The following COL24A1 variants were observed in gnomAD, a reference collection of about 807,000 sequenced individuals.
The protein encoded by COL24A1 is collagen type XXIV alpha 1 chain, also known as collagen alpha-1(XXIV) chain.
A neutral mutation model predicts 253.9 loss-of-function variants in COL24A1; 224 were observed. The ratio of observed to expected loss-of-function variants is 0.88; its 90% CI spans 0.79 to 0.99. The LOEUF is 0.99. Ranked by LOEUF, COL24A1 falls within the 50% of genes least tolerant of loss-of-function variation. The pLI is 0.00. For synonymous variants in COL24A1, 685 were observed against 673.7 expected (o/e 1.02, Z -0.26); for missense variants, 2,131 against 2,068.5 (o/e 1.03, Z -0.59).
Position 85,784,060 on chromosome 1 carries a change from A to T in COL24A1, c.4221+53T>A. On this transcript the variant is annotated intron_variant, in intron 50 of 59. Transcript: ENST00000370571. ...AAGTTACAGACTATATTATTTCAAC[A>T]GCTCTTTTATTTCTAGATAGCTAGA... 2.9e-6 allele frequency: 4 copies of T among 1,373,410 alleles called. No individual in the cohort carries two copies. The South Asian group carries it at 5.1e-5, about 17-fold the overall frequency. 85.1% of individuals were successfully genotyped at this position (1,373,410 alleles called of 1,614,324 possible). A position where few individuals can be genotyped will look rare whatever the true frequency, so the allele number is the denominator to read the frequency against.
At chr1:85,936,950 C>T (rs1688296298) in intron 24 of COL24A1, among the ~76,000 whole-genome samples, 1 of 147,160 alleles carries the variant, frequency 6.8e-6, no homozygotes, top group Non-Finnish European at 1.5e-5. Flanking sequence ...AGCTGAGTTC[C>T]ATCAGATTCA....
chr1:85,775,721 A>G lies in COL24A1; in HGVS notation c.4339-12T>C, dbSNP rs1333602994. 3 of 1,600,826 alleles carry G rather than the reference A, an allele frequency of 1.9e-6. No individual in the cohort carries two copies. Among genetic ancestry groups the G allele is most frequent in the East Asian group, 4.5e-5 (2 of 44,732 alleles). ...TCACCTCTGGGTCCCTAAAAGAAAA[A>G]AAAAAGATGTTAGTTCATTGTTATT... is the stretch of plus-strand genomic sequence containing the variant. On this transcript the variant is annotated splice_polypyrimidine_tract_variant and intron_variant, in intron 52 of 59. Transcript: ENST00000370571.
chr1:85,830,524 G>A (rs1259877762), intron 43 of COL24A1, among the ~76,000 whole-genome samples: 1 of 152,136 alleles, frequency 6.6e-6, no homozygotes, highest in Non-Finnish European at 1.5e-5. Flanking sequence ...CCCCAGCCTG[G>A]CTGCCGCCTT....
chr1:85,784,821 C>T (rs1371186364), intron 48 of COL24A1, among the ~76,000 whole-genome samples: 1 of 152,008 alleles, frequency 6.6e-6, no homozygotes, highest in Non-Finnish European at 1.5e-5. Context: ...GCCTTAAACT[C>T]CTGGGCTCAA....
At position 86,055,675 on chromosome 1, in the gene COL24A1, C is replaced by T. The variant is rs117918527; in HGVS notation, c.1851+2256G>A. ...AATCTATATAGTAAATACATGCATACACTATGCCCTATACCTTAAGAATGC... is the reference window on the plus strand; with the variant it reads ...AATCTATATAGTAAATACATGCATATACTATGCCCTATACCTTAAGAATGC... On this transcript the variant is annotated intron_variant, in intron 10 of 59. Transcript: ENST00000370571. Among the ~76,000 whole-genome samples, 375 of 152,274 alleles carry T rather than the reference C, an allele frequency of 2.5e-3. 10 individuals are homozygous for T. In the East Asian group the frequency reaches 0.046, roughly 19 times the overall value.
At chr1:85,926,985 G>A (rs1226260812) in intron 24 of COL24A1, among the ~76,000 whole-genome samples, 1 of 152,194 alleles carries the variant, frequency 6.6e-6, no homozygotes, top group African/African-American at 2.4e-5. Context: ...CAATCACCAG[G>A]TTGATGGTAA....
At chr1:85,836,354 A>G (rs1342271746) in intron 43 of COL24A1, among the ~76,000 whole-genome samples, 4 of 152,226 alleles carry the variant, frequency 2.6e-5, no homozygotes, top group South Asian at 4.1e-4. Flanking sequence ...AATGTCACTG[A>G]ATTGTAAAGT....
In COL24A1 at chr1:85,970,274, T is replaced by C; in HGVS notation, c.2419-3A>G. ...GCTCCAATTGGTCCTTCTTCTCCCT[T>C]AAAAAAAAAAAAAGTCAGAACATAT... On this transcript the variant is annotated splice_region_variant and splice_polypyrimidine_tract_variant and intron_variant, in intron 21 of 59. Transcript: ENST00000370571. The C allele has an allele frequency of 2.2e-6, 3 of 1,349,788 alleles. No individual in the cohort carries two copies. Among genetic ancestry groups the C allele is most frequent in the Non-Finnish European group, 2.0e-6 (2 of 989,224 alleles). 83.6% of individuals were successfully genotyped at this position (1,349,788 alleles called of 1,614,324 possible). A position where few individuals can be genotyped will look rare whatever the true frequency, so the allele number is the denominator to read the frequency against.
chr1:86,032,143 G>C lies in COL24A1; in HGVS notation c.2005-221C>G, dbSNP rs74560322. Among the ~76,000 whole-genome samples the C allele has an allele frequency of 1.4e-4, 22 of 152,242 alleles. No homozygotes were observed. In the East Asian group the frequency reaches 4.2e-3, roughly 29 times the overall value. On this transcript the variant is annotated intron_variant, in intron 13 of 59. Coordinates refer to ENST00000370571, the MANE Select transcript of COL24A1 (RefSeq NM_152890.7). ...CAAGTGCCCTTGGCTAAATGCTTTT[G>C]GATGCCAGGACTACCACCTAGCTTA...
chr1:85,757,682 C>T (rs1310741503), intron 55 of COL24A1, among the ~76,000 whole-genome samples: 1 of 152,078 alleles, frequency 6.6e-6, no homozygotes, highest in Non-Finnish European at 1.5e-5. Flanking sequence ...ATTCACAAAG[C>T]CTAGCTCATG....
At chr1:86,029,078 C>T (rs1304804564) in intron 14 of COL24A1, among the ~76,000 whole-genome samples, 1 of 152,034 alleles carries the variant, frequency 6.6e-6, no homozygotes, top group Non-Finnish European at 1.5e-5. Context: ...TGGAATCTAA[C>T]TCCTTTTGCC....
chr1:86,122,066 T>C (rs1647446253), intron 3 of COL24A1, among the ~76,000 whole-genome samples: 1 of 151,978 alleles, frequency 6.6e-6, no homozygotes, highest in Non-Finnish European at 1.5e-5. Flanking sequence ...CACCATTCAG[T>C]CTCTCATTAT....
At position 85,910,057 on chromosome 1, in the gene COL24A1, G is replaced by T; in HGVS notation, c.2617-54C>A. 3 of 1,406,472 alleles carry T rather than the reference G, an allele frequency of 2.1e-6. No homozygotes were observed. The South Asian group carries it at 3.6e-5, about 17-fold the overall frequency. The allele number at this position is 1,406,472 out of a possible 1,614,324, so 87.1% of individuals were successfully genotyped here. ...ACATAGAGGCATATTAATTAGTCAT[G>T]ACTGAGCTAAGCCTAGAAAGAAAAA... On this transcript the variant is annotated intron_variant, in intron 25 of 59. Transcript: ENST00000370571.
At chr1:86,063,782 A>G in intron 7 of COL24A1, 23 bp from the exon 8 acceptor site, 1 of 1,502,076 alleles carries the variant, frequency 6.7e-7, no homozygotes, top group Non-Finnish European at 8.9e-7. Context: ...AAGTGGAGAC[A>G]TGCTATGAAA....
intron 3 of COL24A1, among the ~76,000 whole-genome samples, chr1:86,119,710 A>G (rs906431698): frequency 6.6e-6 from 1 of 152,210 alleles, no homozygotes; most frequent in East Asian, 1.9e-4. Context: ...ATGCCTCTCC[A>G]TATACCATTC....
intron 34 of COL24A1, 108 bp downstream of exon 34, chr1:85,875,169 G>C: frequency 1.1e-6 from 1 of 892,534 alleles, no homozygotes; most frequent in South Asian, 1.5e-5. Context: ...TTATCTGGGG[G>C]CTTCCACCTG....
At chr1:85,961,352 G>T in intron 23 of COL24A1, 59 bp from the exon 24 acceptor site, 2 of 1,315,586 alleles carry the variant, frequency 1.5e-6, no homozygotes, top group South Asian at 1.2e-5. Context: ...GATTATTCAT[G>T]ACAGTTTCAA....
At chr1:85,988,572 C>A (rs977111612) in intron 19 of COL24A1, among the ~76,000 whole-genome samples, 1 of 151,786 alleles carries the variant, frequency 6.6e-6, no homozygotes, top group Admixed American at 6.6e-5. Flanking sequence ...GATTATTTTC[C>A]ATTGACATTA....
At chr1:85,859,050 C>T (rs1457989649) in intron 37 of COL24A1, among the ~76,000 whole-genome samples, 1 of 152,098 alleles carries the variant, frequency 6.6e-6, no homozygotes, top group Admixed American at 6.6e-5. Flanking sequence ...ATTTCCTTCA[C>T]AGCACTTATC....
Sources: gnomAD v4.1 joint callset for allele counts (sites outside exome capture counted in the v4.1 genomes callset) on GRCh38, gnomAD v4.1.1 for gene constraint, MANE v1.5 for transcripts, NCBI Gene and HGNC (gene_info 2026-07-23, HGNC 2026-07-21) for gene names.